The following ZMIZ1 variants were observed in gnomAD, a reference collection of about 807,000 sequenced individuals.
The protein encoded by ZMIZ1 is zinc finger MIZ-type containing 1, also known as zinc finger MIZ domain-containing protein 1.
In ZMIZ1, 17 loss-of-function variants were observed where a neutral mutation model predicts 113.9. That is an observed-to-expected ratio of 0.15 (90% CI 0.10 to 0.22). The LOEUF is 0.22. ZMIZ1 is among the 10% of genes least tolerant of loss of function. ZMIZ1 has a pLI of 1.00. For synonymous variants in ZMIZ1, 607 were observed against 603.1 expected, an observed-to-expected ratio of 1.01 and a Z score of -0.09; for missense variants, 1,059 against 1,477.8, an observed-to-expected ratio of 0.72 and a Z score of 4.65.
intron 22 of ZMIZ1, 73 bp downstream of exon 22, chr10:79,306,417 G>T: frequency 6.4e-7 from 1 of 1,567,712 alleles, no homozygotes; most frequent in South Asian, 1.2e-5. Flanking sequence ...CAGAATTTCT[G>T]TGCTGATGGT....
At chr10:79,161,311 A>G (rs547529483) in intron 3 of ZMIZ1, among the ~76,000 whole-genome samples, 2 of 152,240 alleles carry the variant, frequency 1.3e-5, no homozygotes, top group East Asian at 3.9e-4. Context: ...CTAGGGTCAC[A>G]TCCCTCAGCT....
chr10:79,230,146 C>T (rs567919252), intron 7 of ZMIZ1, among the ~76,000 whole-genome samples: 25 of 152,280 alleles, frequency 1.6e-4, no homozygotes, highest in Non-Finnish European at 2.8e-4. Context: ...CCTTTTGGCT[C>T]TTTCTCTCTC....
chr10:79,084,136 C>G (rs989933868), intron 1 of ZMIZ1, among the ~76,000 whole-genome samples: 2 of 152,238 alleles, frequency 1.3e-5, no homozygotes, highest in Non-Finnish European at 2.9e-5. Flanking sequence ...TCCACCTCCA[C>G]TCTTCAGTCA....
intron 3 of ZMIZ1, among the ~76,000 whole-genome samples, chr10:79,161,395 C>T (rs1243034432): frequency 6.6e-6 from 1 of 152,212 alleles, no homozygotes; most frequent in Non-Finnish European, 1.5e-5. Flanking sequence ...CTCACGGCAC[C>T]CCTCCCTTGC....
intron 7 of ZMIZ1, among the ~76,000 whole-genome samples, chr10:79,222,135 G>C (rs531873719): frequency 6.6e-6 from 1 of 152,224 alleles, no homozygotes; most frequent in Non-Finnish European, 1.5e-5. Context: ...CAGACTGGCT[G>C]CTCATAGGCC....
Position 79,289,906 on chromosome 10 carries a change from C to G in ZMIZ1, c.540+17C>G. Reference sequence around the variant, plus strand: ...CAGAGCCAGGTAAGAGCCTATACTGCCCTCAGCCACAGCTCTTTCTAGGCG... The same window carrying G: ...CAGAGCCAGGTAAGAGCCTATACTGGCCTCAGCCACAGCTCTTTCTAGGCG... On this transcript the variant is annotated intron_variant, in intron 9 of 24. Transcript: ENST00000334512. 6.2e-7 allele frequency: 1 copy of G among 1,606,798 alleles called. No homozygotes were observed. The highest frequency in any genetic ancestry group is 8.5e-7 in the Non-Finnish European group (1 of 1,173,876).
chr10:79,175,785 C>G (rs1846833201), intron 4 of ZMIZ1, among the ~76,000 whole-genome samples: 2 of 151,916 alleles, frequency 1.3e-5, no homozygotes, highest in Non-Finnish European at 2.9e-5. Flanking sequence ...CAGTGTGGAG[C>G]CCACTCCTTG....
At chr10:79,271,822 T>G (rs1183667390) in intron 7 of ZMIZ1, among the ~76,000 whole-genome samples, 1 of 152,146 alleles carries the variant, frequency 6.6e-6, no homozygotes, top group Non-Finnish European at 1.5e-5. Context: ...TGGAGCCTGC[T>G]GGGCAGAGGG....
intron 4 of ZMIZ1, among the ~76,000 whole-genome samples, chr10:79,169,131 A>T (rs1280070993): frequency 6.6e-6 from 1 of 152,100 alleles, no homozygotes; most frequent in Non-Finnish European, 1.5e-5. Context: ...CCGTGGTGCC[A>T]CCTCCATCTG....
intron 6 of ZMIZ1, among the ~76,000 whole-genome samples, chr10:79,210,516 G>A (rs771822041): frequency 6.6e-6 from 1 of 152,266 alleles, no homozygotes; most frequent in Non-Finnish European, 1.5e-5. Flanking sequence ...GTACAGGGCA[G>A]GAAATGTCTC....
At chr10:79,305,663 G>A (rs777453601) in intron 21 of ZMIZ1, 62 bp downstream of exon 21, 49 of 1,549,026 alleles carry the variant, frequency 3.2e-5, no homozygotes, top group Non-Finnish European at 4.2e-5. Context: ...TTAGAGCAAG[G>A]TGAGCAGGTG....
rs753001612 is a variant in ZMIZ1 at position 79,296,765 on chromosome 10, G to A, written c.1413+112G>A. On this transcript the variant is annotated intron_variant, in intron 13 of 24. Transcript: ENST00000334512. The surrounding 1 kb of genome is among the most constrained non-coding windows in gnomAD (Gnocchi z 4.1). ...TGCGTGTGTTTGCCCCAAGGACAGCGAGGGGTGGGTGATTTCTGAACGTCC... is the reference window on the plus strand; with the variant it reads ...TGCGTGTGTTTGCCCCAAGGACAGCAAGGGGTGGGTGATTTCTGAACGTCC... 148 of 1,109,782 alleles carry A rather than the reference G, an allele frequency of 1.3e-4. No homozygotes were observed. Among genetic ancestry groups the A allele is most frequent in the Non-Finnish European group, 1.7e-4 (138 of 803,940 alleles). 68.7% of individuals were successfully genotyped at this position (1,109,782 alleles called of 1,614,324 possible).
intron 20 of ZMIZ1, 105 bp downstream of exon 20, chr10:79,305,336 C>A: frequency 7.2e-7 from 1 of 1,385,556 alleles, no homozygotes; most frequent in Middle Eastern, 1.9e-4. Context: ...AACCAGAACC[C>A]AAACATGGCA....
intron 4 of ZMIZ1, among the ~76,000 whole-genome samples, chr10:79,172,260 G>A (rs1336577241): frequency 6.6e-6 from 1 of 152,072 alleles, no homozygotes; most frequent in African/African-American, 2.4e-5. Flanking sequence ...GACGCCTAGG[G>A]CCCAGCTGGG....
intron 7 of ZMIZ1, among the ~76,000 whole-genome samples, chr10:79,254,795 CTGAG>C (rs1850775328): frequency 6.6e-6 from 1 of 152,218 alleles, no homozygotes; most frequent in South Asian, 2.1e-4. Flanking sequence ...GGAGAGCCGA[CTGAG>C]TGAGGGACCT....
intron 7 of ZMIZ1, among the ~76,000 whole-genome samples, chr10:79,217,020 G>C (rs1026110033): frequency 6.6e-6 from 1 of 152,248 alleles, no homozygotes; most frequent in African/African-American, 2.4e-5. Context: ...AAGCCGGACA[G>C]ACCTGTCACT....
intron 7 of ZMIZ1, among the ~76,000 whole-genome samples, chr10:79,254,432 C>A (rs538311489): frequency 2.6e-5 from 4 of 152,360 alleles, no homozygotes; most frequent in Non-Finnish European, 5.9e-5. Context: ...AGGGAAGCCC[C>A]ATAAGCCGGG....
At chr10:79,073,838 C>CAG (rs34518733) in intron 1 of ZMIZ1, among the ~76,000 whole-genome samples, 58,778 of 151,536 alleles carry the variant, frequency 0.39, 11,834 homozygotes, top group Non-Finnish European at 0.44. Flanking sequence ...GGGGTTGGGT[C>CAG]GGGCCCGGCA....
At chr10:79,103,534 G>C (rs1302390597) in intron 1 of ZMIZ1, among the ~76,000 whole-genome samples, 1 of 152,154 alleles carries the variant, frequency 6.6e-6, no homozygotes, top group Admixed American at 6.5e-5. Context: ...GGGTGGGTGG[G>C]GGTGGAGAGG....
Sources: gnomAD v4.1 joint callset for allele counts (sites outside exome capture counted in the v4.1 genomes callset) on GRCh38, gnomAD v4.1.1 for gene constraint, Gnocchi (gnomAD v3.1) non-coding constraint, MANE v1.5 for transcripts, NCBI Gene and HGNC (gene_info 2026-07-23, HGNC 2026-07-21) for gene names.